The following LZTR1 variants were observed in gnomAD, a reference collection of about 807,000 sequenced individuals.
LZTR1 encodes leucine-zipper-like transcriptional regulator 1.
In LZTR1, 260 loss-of-function variants were observed where a neutral mutation model predicts 105.7. The observed-to-expected ratio is 2.46, with a 90% confidence interval of 2.22 to 2.72. LZTR1 has a LOEUF of 2.72. Among genes scored for constraint, LZTR1 ranks in the 30% most tolerant of loss-of-function variants. LZTR1 has a pLI of 0.00. For missense variants in LZTR1, 1,214 were observed against 1,166.9 expected (o/e 1.04, Z -0.59); for synonymous variants, 490 against 476.4 (o/e 1.03, Z -0.37).
chr22:20,993,985 G>C lies in LZTR1; in HGVS notation c.1415G>C (p.Arg472Thr), dbSNP rs1160425168. ...IVTARSRWLR[R>T]KITQARERLA... ...ACAGCGCGGAGCCGCTGGCTTCGCA[G>C]GAAGATCACGCAGGCGCGGGAGAGG... The change falls in exon 13 of 21, where the codon AGG becomes ACG. Residue 472 changes from arginine to threonine, a missense_variant. Arg to Thr is a moderately conservative substitution (Grantham distance 71, BLOSUM62 -1). Coordinates refer to ENST00000646124, the MANE Select transcript of LZTR1 (RefSeq NM_006767.4). The C allele has an allele frequency of 3.7e-6, 6 of 1,612,122 alleles. No individual in the cohort carries two copies. Among genetic ancestry groups the C allele is most frequent in the Non-Finnish European group, 5.1e-6 (6 of 1,179,754 alleles).
chr22:20,997,035 T>G, intron 20 of LZTR1, 69 bp downstream of exon 20: 1 of 1,536,368 alleles, frequency 6.5e-7, no homozygotes, highest in Non-Finnish European at 9.0e-7. Context: ...GCAGGGAGGG[T>G]GCCCAGGCTC....
intron 4 of LZTR1, among the ~76,000 whole-genome samples, 175 bp downstream of exon 4, chr22:20,987,758 C>T (rs1924448252): frequency 2.0e-5 from 3 of 152,380 alleles, no homozygotes; most frequent in South Asian, 4.1e-4. Context: ...ACCCCTTGCC[C>T]TAACGGCCCT....
intron 11 of LZTR1, 193 bp from the exon 12 acceptor site, chr22:20,993,469 G>A: frequency 1.7e-6 from 1 of 598,956 alleles, no homozygotes; most frequent in Non-Finnish European, 3.0e-6. Context: ...ACAGTTGCAG[G>A]TGCTGAGGCT....
chr22:20,995,727 G>A lies in LZTR1; in HGVS notation c.1943-19G>A. The A allele has an allele frequency of 2.5e-6, 4 of 1,613,136 alleles. No individual in the cohort carries two copies. Among genetic ancestry groups the A allele is most frequent in the South Asian group, 1.1e-5 (1 of 91,070 alleles). On this transcript the variant is annotated intron_variant, in intron 16 of 20. Transcript: ENST00000646124. ...CAGAATCCCAGGCTGTACCTGCTCA[G>A]GGACCCTCCTACCCCCAGGCACATC...
chr22:20,987,756 C>T (rs1446530204), intron 4 of LZTR1, among the ~76,000 whole-genome samples, 173 bp downstream of exon 4: 1 of 152,262 alleles, frequency 6.6e-6, no homozygotes, highest in Non-Finnish European at 1.5e-5. Flanking sequence ...GGACCCCTTG[C>T]CCTAACGGCC....
chr22:20,982,718 C>A (rs1277888557), intron 1 of LZTR1, 147 bp downstream of exon 1: 4 of 807,392 alleles, frequency 5.0e-6, no homozygotes, highest in East Asian at 2.7e-5. Flanking sequence ...CTGTTCAGGG[C>A]AGGGGAGAGG....
In LZTR1 at chr22:20,991,612, T is replaced by C; in HGVS notation, c.792-16T>C. On this transcript the variant is annotated splice_polypyrimidine_tract_variant and intron_variant, in intron 8 of 20. Coordinates refer to ENST00000646124, the MANE Select transcript of LZTR1 (RefSeq NM_006767.4). ...AGCCCCTGTCCCAGCATTGATTCAC[T>C]GTTGTGTACCCCCAGGTGGACACGC... The C allele has an allele frequency of 6.4e-7, 1 of 1,553,466 alleles. No individual in the cohort carries two copies. The highest frequency in any genetic ancestry group is 1.2e-5 in the South Asian group (1 of 85,600).
rs1377855691 is a variant in LZTR1 at position 20,987,520 on chromosome 22, A to G, written c.337A>G (p.Thr113Ala). The change falls in exon 4 of 21, where the codon ACC (threonine) becomes GCC (alanine). Residue 113 changes from threonine (T) to alanine (A), a missense_variant. Transcript: ENST00000646124. ...CSWCRAFTTG[T>A]PPAPRYHHSA... ...CCACCCCAGGGCCTTTACCACTGGG[A>G]CCCCACCGGCCCCCCGTTACCACCA... The G allele has an allele frequency of 1.9e-6, 3 of 1,613,538 alleles. No individual in the cohort carries two copies. The highest frequency in any genetic ancestry group is 2.5e-6 in the Non-Finnish European group (3 of 1,179,634).
At chr22:20,989,430 G>A (rs537890486) in intron 6 of LZTR1, among the ~76,000 whole-genome samples, 195 bp from the exon 7 acceptor site, 27 of 152,318 alleles carry the variant, frequency 1.8e-4, no homozygotes, top group Admixed American at 6.5e-5. Flanking sequence ...TGTCTGGGCC[G>A]GGCAGGGGGC....
rs1277339342 is a variant in LZTR1 at position 20,994,942 on chromosome 22, C to T, written c.1858C>T (p.Leu620Phe). The change falls in exon 16 of 21, where the codon CTC becomes TTC. Residue 620 changes from leucine (L) to phenylalanine (F), a missense_variant. Leu to Phe is a conservative substitution (Grantham distance 22, BLOSUM62 0). Coordinates refer to ENST00000646124, the MANE Select transcript of LZTR1 (RefSeq NM_006767.4). ...GATCATGATGAAGGAGTTCGAGCGC[C>T]TCTCCTCTCCACTGATAGTGGAGAT... is the stretch of plus-strand genomic sequence containing the variant. ...QVIMMKEFERLSSPLIVEIVR... is the reference protein window; with the variant it reads ...QVIMMKEFERFSSPLIVEIVR... 3 of 1,613,380 alleles carry T rather than the reference C, an allele frequency of 1.9e-6. No individual in the cohort carries two copies. The highest frequency in any genetic ancestry group is 1.7e-5 in the Admixed American group (1 of 60,032).
Position 20,987,603 on chromosome 22 carries a change from C to T in LZTR1, c.400+20C>T. The T allele has an allele frequency of 6.2e-7, 1 of 1,610,894 alleles. No individual in the cohort carries two copies. The highest frequency in any genetic ancestry group is 8.5e-7 in the Non-Finnish European group (1 of 1,177,062). ...TCTTTGGTAAGCAGCCTCTTGCCTC[C>T]CAGGGGCTGTGTCGCCCCGAGGCCC... On this transcript the variant is annotated intron_variant, in intron 4 of 20. Transcript: ENST00000646124.
At chr22:20,996,337 C>T (rs1924844539) in intron 18 of LZTR1, 1 of 605,658 alleles carries the variant, frequency 1.7e-6, no homozygotes, top group Non-Finnish European at 2.9e-6. Flanking sequence ...GTTCCTGACC[C>T]TCACAACTGC....
chr22:20,987,278 C>G (rs1423020924), intron 3 of LZTR1: 1 of 474,272 alleles, frequency 2.1e-6, no homozygotes, highest in Non-Finnish European at 3.7e-6. Flanking sequence ...CCTGTAATCC[C>G]AGCTACTCAG....
chr22:20,995,563 T>A, intron 16 of LZTR1, 183 bp from the exon 17 acceptor site: 1 of 768,570 alleles, frequency 1.3e-6, no homozygotes, highest in Non-Finnish European at 2.3e-6. Flanking sequence ...AGTGCTTGAG[T>A]CGGCCAGGGC....
chr22:20,988,253 T>A, intron 5 of LZTR1, 135 bp downstream of exon 5: 1 of 632,706 alleles, frequency 1.6e-6, no homozygotes, highest in Non-Finnish European at 2.8e-6. Flanking sequence ...TGGTGGAATA[T>A]CCCCCGGTGC....
chr22:20,984,618 G>GGGGGGCGGTA (rs1924312572), intron 2 of LZTR1, among the ~76,000 whole-genome samples: 1 of 105,832 alleles, frequency 9.4e-6, no homozygotes, highest in Admixed American at 9.1e-5. Context: ...TAAGGAGGGG[G>GGGGGGCGGTA]GGGGGGCGGT....
At chr22:20,986,639 CAGAT>C (rs767943635) in intron 3 of LZTR1, 16 of 151,598 alleles carry the variant, frequency 1.1e-4, no homozygotes, top group African/African-American at 2.9e-4. Context: ...TGATAGATGA[CAGAT>C]AGATGATGGA....
chr22:20,990,325 G>C, intron 7 of LZTR1, 61 bp from the exon 8 acceptor site: 1 of 1,593,280 alleles, frequency 6.3e-7, no homozygotes, highest in Non-Finnish European at 8.6e-7. Flanking sequence ...GCAGTCTCGA[G>C]TGTGGTGAAA....
rs1196443361 is a variant in LZTR1, at chr22:20,988,875, G to A, written c.593+3G>A. The A allele has an allele frequency of 6.2e-7, 1 of 1,613,642 alleles. No homozygotes were observed. Among genetic ancestry groups the A allele is most frequent in the Admixed American group, 1.7e-5 (1 of 60,036 alleles). On this transcript the variant is annotated splice_donor_region_variant and intron_variant, in intron 6 of 20. Coordinates refer to ENST00000646124, the MANE Select transcript of LZTR1 (RefSeq NM_006767.4). ...GCTGGCTATGACGGCAACGCCAGGTGGGTGGTGGTCCGGCCTGTGCACCCC... is the reference window on the plus strand; with the variant it reads ...GCTGGCTATGACGGCAACGCCAGGTAGGTGGTGGTCCGGCCTGTGCACCCC...
Sources: gnomAD v4.1 joint callset for allele counts (sites outside exome capture counted in the v4.1 genomes callset) on GRCh38, gnomAD v4.1.1 for gene constraint, MANE v1.5 for transcripts, NCBI Gene and HGNC (gene_info 2026-07-23, HGNC 2026-07-21) for gene names.